The following LHFPL3 variants were observed in gnomAD, a reference collection of about 807,000 sequenced individuals.
The protein encoded by LHFPL3 is LHFPL tetraspan subfamily member 3 protein.
Under a neutral mutation model 19.3 loss-of-function variants are expected in LHFPL3, and 5 were observed. That is an observed-to-expected ratio of 0.26 (90% CI 0.14 to 0.54). The LOEUF is 0.54. Among genes scored for constraint, LHFPL3 ranks in the 20% least tolerant of loss-of-function variants. The pLI is 0.94. For synonymous variants in LHFPL3, 133 were observed against 126.2 expected, an observed-to-expected ratio of 1.05 and a Z score of -0.36; for missense variants, 249 against 307.4, an observed-to-expected ratio of 0.81 and a Z score of 1.42.
chr7:104,329,179 A>G lies in LHFPL3; in HGVS notation c.400A>G (p.Thr134Ala), dbSNP rs779991305. Residue 134 changes from threonine (T) to alanine (A), a missense_variant, in exon 1 of 3, where the codon ACG (threonine) becomes GCG (alanine). By Grantham distance (58) the Thr-to-Ala change is moderately conservative (BLOSUM62 0). Transcript: ENST00000424859. ...ICFTLFFFCN[T>A]ATVYKICAWM... ...CTTTACCCTCTTCTTCTTCTGCAAC[A>G]CGGCCACTGTGTACAAGATATGTGC... 2.5e-6 allele frequency: 4 copies of G among 1,613,842 alleles called. No individual in the cohort carries two copies. The highest frequency in any genetic ancestry group is 3.4e-6 in the Non-Finnish European group (4 of 1,179,802).
chr7:104,404,895 T>G (rs1473469450), intron 1 of LHFPL3, among the ~76,000 whole-genome samples: 4 of 152,226 alleles, frequency 2.6e-5, no homozygotes, highest in Non-Finnish European at 4.4e-5. Context: ...ATTATCCATG[T>G]AAACTTTATA....
Position 104,556,666 on chromosome 7 carries a change from G to T in LHFPL3, c.446-180009G>T, listed in dbSNP as rs571181548. Among the ~76,000 whole-genome samples, 3 of 152,326 alleles carry T rather than the reference G, an allele frequency of 2.0e-5. No homozygotes were observed. The South Asian group carries it at 6.2e-4, about 32-fold the overall frequency. On this transcript the variant is annotated intron_variant, in intron 1 of 2. Transcript: ENST00000424859. ...GAGACATTTTCCCCATTGTCTTGGT[G>T]ATTAACATTTGGTTCCTGATTACTT... is the stretch of plus-strand genomic sequence containing the variant.
At chr7:104,506,946 T>G (rs1456094671) in intron 1 of LHFPL3, among the ~76,000 whole-genome samples, 1 of 152,184 alleles carries the variant, frequency 6.6e-6, no homozygotes, top group Non-Finnish European at 1.5e-5. Flanking sequence ...GCTGACTAAT[T>G]CACAAAGTAT....
intron 1 of LHFPL3, among the ~76,000 whole-genome samples, chr7:104,346,703 A>G (rs943298931): frequency 6.6e-6 from 1 of 151,898 alleles, no homozygotes; most frequent in East Asian, 1.9e-4. Context: ...AAAATACCAA[A>G]TGAAATAATA....
chr7:104,875,267 A>G (rs1170691249), intron 2 of LHFPL3, among the ~76,000 whole-genome samples: 1 of 151,950 alleles, frequency 6.6e-6, no homozygotes, highest in African/African-American at 2.4e-5. Context: ...CTGAGGTCCA[A>G]ATTTGTCTTT....
chr7:104,773,334 G>A (rs1245471509), intron 2 of LHFPL3, among the ~76,000 whole-genome samples: 1 of 152,206 alleles, frequency 6.6e-6, no homozygotes, highest in Admixed American at 6.5e-5. Context: ...GTTACAGTCA[G>A]CTCTGTAATG....
intron 1 of LHFPL3, among the ~76,000 whole-genome samples, chr7:104,569,460 G>A (rs1482548666): frequency 6.6e-6 from 1 of 152,152 alleles, no homozygotes; most frequent in Admixed American, 6.5e-5. Flanking sequence ...TTGTCATTCA[G>A]TGATCTCTCT....
chr7:104,711,782 A>T (rs1793303671), intron 1 of LHFPL3, among the ~76,000 whole-genome samples: 1 of 152,210 alleles, frequency 6.6e-6, no homozygotes, highest in Non-Finnish European at 1.5e-5. Flanking sequence ...GAAGAGATTT[A>T]TGAAAGGCCA....
intron 1 of LHFPL3, among the ~76,000 whole-genome samples, chr7:104,565,757 ATCTATCTATCT>A (rs1306572772): frequency 6.8e-6 from 1 of 146,564 alleles, no homozygotes; most frequent in African/African-American, 2.7e-5. Flanking sequence ...CTATCTATCT[ATCTATCTATCT>A]ATCTAATCTA....
At chr7:104,886,612 A>G (rs34477839) in intron 2 of LHFPL3, among the ~76,000 whole-genome samples, 64,650 of 152,062 alleles carry the variant, frequency 0.43, 15,130 homozygotes, top group Middle Eastern at 0.55. Flanking sequence ...TGATCTGCCC[A>G]CCTTGGCCTC....
At chr7:104,871,599 TTC>T (rs779138518) in intron 2 of LHFPL3, among the ~76,000 whole-genome samples, 6 of 152,372 alleles carry the variant, frequency 3.9e-5, no homozygotes, top group Middle Eastern at 3.4e-3. Context: ...TTTTTTAACT[TTC>T]TGACTCTTTT....
intron 1 of LHFPL3, among the ~76,000 whole-genome samples, chr7:104,601,653 T>G (rs1790969809): frequency 6.6e-6 from 1 of 152,162 alleles, no homozygotes; most frequent in Admixed American, 6.5e-5. Context: ...TTTGGACATC[T>G]TATTGCCCAC....
At chr7:104,687,140 A>G (rs1052216515) in intron 1 of LHFPL3, among the ~76,000 whole-genome samples, 2 of 152,212 alleles carry the variant, frequency 1.3e-5, no homozygotes, top group African/African-American at 4.8e-5. Context: ...CTCAGGTTTG[A>G]CTTCTTTGCT....
chr7:104,586,640 G>A (rs1006225428), intron 1 of LHFPL3, among the ~76,000 whole-genome samples: 2 of 152,050 alleles, frequency 1.3e-5, no homozygotes, highest in African/African-American at 2.4e-5. Context: ...ATTTTTTAAA[G>A]ACGTCTAGTG....
chr7:104,653,669 T>G (rs796933363), intron 1 of LHFPL3, among the ~76,000 whole-genome samples: 1 of 152,350 alleles, frequency 6.6e-6, no homozygotes, highest in South Asian at 2.1e-4. Flanking sequence ...AACCCTGGTT[T>G]GACCCCATCC....
intron 2 of LHFPL3, among the ~76,000 whole-genome samples, chr7:104,771,627 A>G (rs1030626065): frequency 5.3e-5 from 8 of 152,038 alleles, no homozygotes; most frequent in African/African-American, 1.7e-4. Context: ...AGCCCAATGA[A>G]TATTGATATT....
Position 104,564,466 on chromosome 7 carries a change from C to G in LHFPL3, c.446-172209C>G, listed in dbSNP as rs1389905544. ...ACTGAGGGCCTGTGGTGTGTAAAAT[C>G]TAAAGCTGGTTATTGCAAAGGATAC... is the stretch of plus-strand genomic sequence containing the variant. On this transcript the variant is annotated intron_variant, in intron 1 of 2. Transcript: ENST00000424859. 1.3e-5 allele frequency among the ~76,000 whole-genome samples: 2 copies of G among 152,166 alleles called. 1 individual carries two copies. Among genetic ancestry groups the G allele is most frequent in the East Asian group, 3.8e-4 (2 of 5,202 alleles).
At chr7:104,807,027 G>A (rs962909849) in intron 2 of LHFPL3, among the ~76,000 whole-genome samples, 57 of 127,032 alleles carry the variant, frequency 4.5e-4, no homozygotes, top group African/African-American at 1.3e-3. Context: ...GTGTGTGTGT[G>A]TGTGTGTGTG....
At chr7:104,732,342 T>C (rs2116285496) in intron 1 of LHFPL3, among the ~76,000 whole-genome samples, 1 of 152,328 alleles carries the variant, frequency 6.6e-6, no homozygotes, top group East Asian at 1.9e-4. Flanking sequence ...CGGCTGTGAA[T>C]CCATCTGATC....
Sources: allele counts gnomAD v4.1 joint callset (sites outside exome capture counted in the v4.1 genomes callset), GRCh38; gene constraint gnomAD v4.1.1; transcripts MANE v1.5; gene names NCBI Gene and HGNC (gene_info 2026-07-23, HGNC 2026-07-21).